The following LRP6 variants were observed in gnomAD, a reference collection of about 807,000 sequenced individuals.
LRP6 encodes the protein LDL receptor related protein 6, also known as low-density lipoprotein receptor-related protein 6.
A neutral mutation model predicts 184.1 loss-of-function variants in LRP6; 43 were observed. The observed-to-expected ratio is 0.23, with a 90% CI of 0.18 to 0.30. LRP6 has a LOEUF of 0.30. Ranked by LOEUF, LRP6 falls within the 10% of genes least tolerant of loss-of-function variation. The probability of loss-of-function intolerance (pLI) is 1.00; values close to 1 mark genes in which losing one functional copy is unlikely to be tolerated. For synonymous variants in LRP6, 719 were observed against 684.9 expected (o/e 1.05, Z -0.78); for missense variants, 1,571 against 2,005.3 (o/e 0.78, Z 4.14).
chr12:12,242,286 G>C (rs1265617609), intron 2 of LRP6, among the ~76,000 whole-genome samples: 3 of 152,110 alleles, frequency 2.0e-5, no homozygotes, highest in African/African-American at 4.8e-5. Context: ...CAAGTTTTCT[G>C]TCCTTAAACA....
At chr12:12,215,688 C>G (rs1864324859) in intron 2 of LRP6, among the ~76,000 whole-genome samples, 1 of 149,528 alleles carries the variant, frequency 6.7e-6, no homozygotes, top group African/African-American at 2.4e-5. Flanking sequence ...ACAGTGTTTT[C>G]AGGTATTAAA....
Position 12,244,659 on chromosome 12 carries a change from GAACA to G in LRP6, c.56-8_56-5del, listed in dbSNP as rs1274540065. The G allele has an allele frequency of 6.2e-7, 1 of 1,610,584 alleles. No individual in the cohort carries two copies. The highest frequency in any genetic ancestry group is 8.5e-7 in the Non-Finnish European group (1 of 1,178,972). ...GCATAAAGCAACAAAGGGGCCGCTA[GAACA>G]AAAAAAGAAAAATATGTAAGTGAAA... On this transcript the variant is annotated splice_polypyrimidine_tract_variant and splice_region_variant and intron_variant, in intron 1 of 22. Coordinates refer to ENST00000261349, the MANE Select transcript of LRP6 (RefSeq NM_002336.3).
At chr12:12,171,537 AAATAAAT>A (rs1459562068) in intron 7 of LRP6, among the ~76,000 whole-genome samples, 2 of 3,494 alleles carry the variant, frequency 5.7e-4, no homozygotes, top group Non-Finnish European at 9.5e-4. Flanking sequence ...AAAATAAAAT[AAATAAAT>A]AAATAAATAA....
At chr12:12,244,709 C>T (rs760087721) in intron 1 of LRP6, 54 bp from the exon 2 acceptor site, 192 of 1,572,582 alleles carry the variant, frequency 1.2e-4, no homozygotes, top group Middle Eastern at 1.7e-4. Flanking sequence ...CGTATTGGTT[C>T]TTATAAACTG....
At chr12:12,251,784 A>G (rs1343452223) in intron 1 of LRP6, among the ~76,000 whole-genome samples, 1 of 152,194 alleles carries the variant, frequency 6.6e-6, no homozygotes, top group Non-Finnish European at 1.5e-5. Context: ...TGCTGACTTT[A>G]TCATGTCCTT....
chr12:12,200,402 C>G (rs1461489552), intron 3 of LRP6, among the ~76,000 whole-genome samples: 1 of 152,098 alleles, frequency 6.6e-6, no homozygotes, highest in Non-Finnish European at 1.5e-5. Context: ...TGAATGTGTC[C>G]TCATTTTCAA....
chr12:12,157,454 T>C (rs537839588), intron 12 of LRP6, among the ~76,000 whole-genome samples: 28 of 152,238 alleles, frequency 1.8e-4, no homozygotes, highest in Non-Finnish European at 3.7e-4. Context: ...AACAACCCTA[T>C]ACAGCAATTA....
intron 2 of LRP6, among the ~76,000 whole-genome samples, chr12:12,217,201 C>T (rs115542673): frequency 9.5e-4 from 144 of 152,230 alleles, no homozygotes; most frequent in African/African-American, 3.2e-3. Flanking sequence ...GCCTGAGCTC[C>T]GCCTCTGTCA....
rs1285549284 is a variant in LRP6, at chr12:12,155,151, A to C, written c.2791+3678T>G. 16 of 461,604 alleles carry C rather than the reference A, an allele frequency of 3.5e-5. No homozygotes were observed. The Admixed American group carries it at 4.2e-4, about 12-fold the overall frequency. The allele number at this position is 461,604 out of a possible 1,614,324, so 28.6% of individuals were successfully genotyped here. ...GCGGATGTTGCAGTGAGCCAAGATC[A>C]CGCCACTTTACTCCAGCCTGGGTGA... is the stretch of plus-strand genomic sequence containing the variant. On this transcript the variant is annotated intron_variant, in intron 12 of 22. Transcript: ENST00000261349.
chr12:12,255,167 T>TTAC (rs1203782753), intron 1 of LRP6, among the ~76,000 whole-genome samples: 1 of 152,188 alleles, frequency 6.6e-6, no homozygotes, highest in Non-Finnish European at 1.5e-5. Context: ...TGCCCATTAC[T>TTAC]TACTCATTGA....
chr12:12,166,768 A>T (rs1250963851), intron 7 of LRP6, among the ~76,000 whole-genome samples: 4 of 152,236 alleles, frequency 2.6e-5, no homozygotes, highest in African/African-American at 9.6e-5. Flanking sequence ...TTGATAAATA[A>T]ATAGCTTAAA....
chr12:12,129,854 C>G (rs530139552), intron 19 of LRP6, among the ~76,000 whole-genome samples: 4 of 152,114 alleles, frequency 2.6e-5, no homozygotes, highest in African/African-American at 9.6e-5. Flanking sequence ...TGGCACAACA[C>G]CCAATCTTAA....
intron 12 of LRP6, among the ~76,000 whole-genome samples, chr12:12,152,453 A>AT (rs1028429726): frequency 2.0e-5 from 3 of 151,876 alleles, no homozygotes; most frequent in Non-Finnish European, 4.4e-5. Context: ...TGCCCAGCTA[A>AT]TTTTTTTAAT....
intron 9 of LRP6, among the ~76,000 whole-genome samples, chr12:12,162,676 C>T (rs1354583092): frequency 1.3e-5 from 2 of 152,138 alleles, no homozygotes; most frequent in Non-Finnish European, 2.9e-5. Flanking sequence ...ATTCTACTAA[C>T]AGCAGAATGA....
At chr12:12,202,459 C>T (rs1179587922) in intron 3 of LRP6, among the ~76,000 whole-genome samples, 1 of 152,178 alleles carries the variant, frequency 6.6e-6, no homozygotes, top group Non-Finnish European at 1.5e-5. Context: ...AGGAAGATCG[C>T]TTGAGCCCAG....
In LRP6 at chr12:12,253,971, C is replaced by G. The variant is rs143364473; in HGVS notation, c.56-9316G>C. On this transcript the variant is annotated intron_variant, in intron 1 of 22. Transcript: ENST00000261349. ...CCAGCCTGGGCAACTTGGCGAAACC[C>G]CTTCTCTACCAAAAAATACAAAATT... Among the ~76,000 whole-genome samples, 29 of 151,672 alleles carry G rather than the reference C, an allele frequency of 1.9e-4. No individual in the cohort carries two copies. In the East Asian group the frequency reaches 5.6e-3, roughly 29 times the overall value.
chr12:12,243,468 A>G (rs1470602407), intron 2 of LRP6, among the ~76,000 whole-genome samples: 1 of 152,244 alleles, frequency 6.6e-6, no homozygotes, highest in Non-Finnish European at 1.5e-5. Flanking sequence ...AGATTAGTCT[A>G]TCTCATCTTG....
At chr12:12,140,605 C>CTCTTTT (rs1427181289) in intron 15 of LRP6, among the ~76,000 whole-genome samples, 1 of 138,000 alleles carries the variant, frequency 7.2e-6, no homozygotes. Context: ...TTTTAAAAAT[C>CTCTTTT]TTTTTTTTTT....
At chr12:12,263,276 A>AAAAAAAAG (rs1555129101) in intron 1 of LRP6, among the ~76,000 whole-genome samples, 2 of 146,312 alleles carry the variant, frequency 1.4e-5, no homozygotes, top group Non-Finnish European at 3.0e-5. Flanking sequence ...TAAAAAAAAA[A>AAAAAAAAG]AAAGAATGTG....
Sources: gnomAD v4.1 joint callset for allele counts (sites outside exome capture counted in the v4.1 genomes callset) on GRCh38, gnomAD v4.1.1 for gene constraint, MANE v1.5 for transcripts, NCBI Gene and HGNC (gene_info 2026-07-23, HGNC 2026-07-21) for gene names.